The following ZDHHC15 variants were observed in gnomAD, a reference collection of about 807,000 sequenced individuals.
ZDHHC15 encodes the protein zDHHC palmitoyltransferase 15.
Under a neutral mutation model 31.7 loss-of-function variants are expected in ZDHHC15, and 19 were observed. The ratio of observed to expected loss-of-function variants is 0.60; its 90% CI spans 0.42 to 0.88. The LOEUF (loss-of-function observed/expected upper bound fraction) is 0.88, where lower values mean the gene tolerates loss of function less well. Among genes scored for constraint, ZDHHC15 ranks in the 40% least tolerant of loss-of-function variants. The probability of loss-of-function intolerance (pLI) is 0.00; values close to 1 mark genes in which losing one functional copy is unlikely to be tolerated. For synonymous variants in ZDHHC15, 103 were observed against 90.0 expected, an observed-to-expected ratio of 1.14 and a Z score of -0.82; for missense variants, 209 against 251.2, an observed-to-expected ratio of 0.83 and a Z score of 1.14.
intron 2 of ZDHHC15, among the ~76,000 whole-genome samples, chrX:75,488,248 G>T (rs1275332841): frequency 9.0e-6 from 1 of 111,605 alleles, no homozygotes. Context: ...ATGAAGGAAA[G>T]AATCTTAAGA....
At chrX:75,394,687 T>C (rs2083281724) in intron 10 of ZDHHC15, among the ~76,000 whole-genome samples, 1 of 111,855 alleles carries the variant, frequency 8.9e-6, no homozygotes, top group Non-Finnish European at 1.9e-5. Context: ...ATTCTAAGTA[T>C]ACTTACACTC....
At chrX:75,468,769 A>T in intron 3 of ZDHHC15, among the ~76,000 whole-genome samples, 2 of 111,909 alleles carry the variant, frequency 1.8e-5, no homozygotes, top group South Asian at 7.5e-4. Context: ...TGGCTATCCT[A>T]GTAGGTATCT....
chrX:75,441,416 T>C (rs767983398), intron 4 of ZDHHC15, among the ~76,000 whole-genome samples: 1 of 111,096 alleles, frequency 9.0e-6, no homozygotes, highest in East Asian at 2.9e-4. Flanking sequence ...TTGTTTCCGC[T>C]CTAAGGAAGG....
At chrX:75,475,820 T>A (rs1170247359) in intron 3 of ZDHHC15, among the ~76,000 whole-genome samples, 1 of 112,183 alleles carries the variant, frequency 8.9e-6, no homozygotes, top group East Asian at 2.8e-4. Flanking sequence ...TATTTACGTT[T>A]TAACAATATT....
At chrX:75,433,084 A>G (rs1347106980) in intron 4 of ZDHHC15, among the ~76,000 whole-genome samples, 1 of 111,745 alleles carries the variant, frequency 8.9e-6, no homozygotes, top group East Asian at 2.8e-4. Context: ...ACTCCTTACC[A>G]TGGCCTGTAT....
At chrX:75,505,714 A>T in intron 2 of ZDHHC15, 107 bp downstream of exon 2, 1 of 930,464 alleles carries the variant, frequency 1.1e-6, no homozygotes, top group Non-Finnish European at 1.5e-6. Context: ...TCCTCACCCA[A>T]GTTTATTTCT....
chrX:75,430,789 T>G (rs1220387966), intron 5 of ZDHHC15, among the ~76,000 whole-genome samples: 1 of 111,663 alleles, frequency 9.0e-6, no homozygotes, highest in Non-Finnish European at 1.9e-5. Context: ...CTTAATATGA[T>G]GTAATGAGAA....
At chrX:75,376,908 T>C (rs745397860) in intron 11 of ZDHHC15, among the ~76,000 whole-genome samples, 1 of 111,405 alleles carries the variant, frequency 9.0e-6, no homozygotes, top group East Asian at 2.8e-4. Context: ...AATGAAAAAA[T>C]TAGCATTGAT....
intron 3 of ZDHHC15, among the ~76,000 whole-genome samples, chrX:75,475,569 T>C (rs1263750399): frequency 1.8e-5 from 2 of 112,211 alleles, no homozygotes; most frequent in Admixed American, 1.9e-4. Flanking sequence ...TCCTATTCCA[T>C]TGGTCTACAT....
At chrX:75,389,762 A>C (rs1270893842) in intron 10 of ZDHHC15, among the ~76,000 whole-genome samples, 1 of 110,111 alleles carries the variant, frequency 9.1e-6, no homozygotes, top group Non-Finnish European at 1.9e-5. Context: ...TGCTACCTTT[A>C]GGTGTCACCC....
At chrX:75,522,169 A>G (rs2085452104) in intron 1 of ZDHHC15, among the ~76,000 whole-genome samples, 1 of 111,682 alleles carries the variant, frequency 9.0e-6, no homozygotes, top group Non-Finnish European at 1.9e-5. Context: ...GTATTATAGA[A>G]TACCAATCCC....
intron 2 of ZDHHC15, among the ~76,000 whole-genome samples, chrX:75,487,411 C>T: frequency 8.9e-6 from 1 of 111,754 alleles, no homozygotes; most frequent in East Asian, 2.8e-4. Flanking sequence ...CACTGGGAGG[C>T]TAGACTCAGA....
At chrX:75,389,705 G>T (rs1349865333) in intron 10 of ZDHHC15, among the ~76,000 whole-genome samples, 1 of 111,029 alleles carries the variant, frequency 9.0e-6, no homozygotes, top group African/African-American at 3.3e-5. Context: ...GTCACTAGAG[G>T]TAGCCAGGCG....
At chrX:75,396,263 A>T (rs1168523995) in intron 10 of ZDHHC15, among the ~76,000 whole-genome samples, 1 of 112,267 alleles carries the variant, frequency 8.9e-6, no homozygotes, top group Admixed American at 9.4e-5. Context: ...AGGGATTAAT[A>T]ACCAGAATAC....
rs771391390 is a variant in ZDHHC15, at chrX:75,397,795, C to T, written c.968-18597G>A. On this transcript the variant is annotated intron_variant, in intron 10 of 11. Coordinates refer to ENST00000373367, the MANE Select transcript of ZDHHC15 (RefSeq NM_144969.3). ...GACAACGGCCCATCTGGGAGCAACA[C>T]GGAGGCAGGTGAATCCTCCTCCACC... 9.0e-5 allele frequency among the ~76,000 whole-genome samples: 10 copies of T among 111,725 alleles called. No individual in the cohort carries two copies. The East Asian group carries it at 1.7e-3, about 19-fold the overall frequency.
intron 10 of ZDHHC15, among the ~76,000 whole-genome samples, chrX:75,385,943 C>T (rs148719089): frequency 2.0e-3 from 219 of 111,813 alleles, no homozygotes; most frequent in African/African-American, 6.5e-3. Flanking sequence ...AAATAAAATA[C>T]CCTTGAGCTG....
At chrX:75,386,397 T>C (rs2083179860) in intron 10 of ZDHHC15, among the ~76,000 whole-genome samples, 1 of 112,175 alleles carries the variant, frequency 8.9e-6, no homozygotes, top group Non-Finnish European at 1.9e-5. Context: ...TCTATAAAAA[T>C]TATCAAAATA....
chrX:75,375,953 A>C (rs1452087480), intron 11 of ZDHHC15, among the ~76,000 whole-genome samples: 1 of 111,783 alleles, frequency 8.9e-6, no homozygotes, highest in Non-Finnish European at 1.9e-5. Context: ...GTGGCATGGC[A>C]GTTCTAAGTG....
intron 10 of ZDHHC15, among the ~76,000 whole-genome samples, chrX:75,413,142 T>G (rs890758750): frequency 8.9e-6 from 1 of 112,478 alleles, no homozygotes; most frequent in African/African-American, 3.2e-5. Context: ...TATGTATTTG[T>G]ATTTCAAAAT....
Sources: allele counts gnomAD v4.1 joint callset (sites outside exome capture counted in the v4.1 genomes callset), GRCh38; gene constraint gnomAD v4.1.1; transcripts MANE v1.5; gene names NCBI Gene and HGNC (gene_info 2026-07-23, HGNC 2026-07-21).